JAM2: variants seen among roughly 807,000 people sequenced by gnomAD.
JAM2 encodes junctional adhesion molecule B.
A neutral mutation model predicts 42.0 loss-of-function variants in JAM2; 17 were observed. That is an observed-to-expected ratio of 0.40 (90% CI 0.28 to 0.61). The LOEUF is 0.61. Among genes scored for constraint, JAM2 ranks in the 20% least tolerant of loss-of-function variants. The pLI is 0.37. For synonymous variants in JAM2, 118 were observed against 128.6 expected, an observed-to-expected ratio of 0.92 and a Z score of 0.56; for missense variants, 319 against 358.3, an observed-to-expected ratio of 0.89 and a Z score of 0.89.
chr21:25,673,563 A>G (rs1406323882), intron 1 of JAM2, among the ~76,000 whole-genome samples: 1 of 152,188 alleles, frequency 6.6e-6, no homozygotes, highest in African/African-American at 2.4e-5. Context: ...TCTGAATAAT[A>G]TCTTTACAAC....
intron 1 of JAM2, among the ~76,000 whole-genome samples, chr21:25,651,457 G>A (rs1259419923): frequency 6.6e-6 from 1 of 152,158 alleles, no homozygotes; most frequent in East Asian, 1.9e-4. Flanking sequence ...AAGTTGTATG[G>A]AAATAGGCAT....
intron 1 of JAM2, among the ~76,000 whole-genome samples, chr21:25,665,739 C>T (rs142246437): frequency 3.0e-3 from 455 of 152,118 alleles, no homozygotes; most frequent in African/African-American, 0.011. Context: ...CATGCTTTAC[C>T]GATTTAAATG....
At chr21:25,711,514 C>T (rs1040445056) in intron 8 of JAM2, 3 of 409,102 alleles carry the variant, frequency 7.3e-6, no homozygotes, top group Non-Finnish European at 9.6e-6. Context: ...GAAGAATCAT[C>T]TGCCATTGAC....
At chr21:25,677,176 C>T (rs1039283331) in intron 1 of JAM2, among the ~76,000 whole-genome samples, 8 of 151,804 alleles carry the variant, frequency 5.3e-5, no homozygotes, top group Non-Finnish European at 1.2e-4. Context: ...TGCACTTGTG[C>T]CCCTTAAATT....
At chr21:25,645,179 C>A (rs1174048172) in intron 1 of JAM2, among the ~76,000 whole-genome samples, 1 of 152,182 alleles carries the variant, frequency 6.6e-6, no homozygotes, top group African/African-American at 2.4e-5. Flanking sequence ...CCGCGCCTGG[C>A]CTAAAGCTAT....
chr21:25,666,769 G>T (rs1341100999), intron 1 of JAM2, among the ~76,000 whole-genome samples: 1 of 152,042 alleles, frequency 6.6e-6, no homozygotes, highest in African/African-American at 2.4e-5. Context: ...CTCCTCAAGT[G>T]ATCCTCCCAC....
intron 2 of JAM2, among the ~76,000 whole-genome samples, chr21:25,688,243 G>GGTGTGTGT (rs147927864): frequency 2.3e-4 from 34 of 149,812 alleles, no homozygotes; most frequent in East Asian, 7.9e-4. Flanking sequence ...CACCAGGAGG[G>GGTGTGTGT]GTGTGTGTGT....
intron 1 of JAM2, among the ~76,000 whole-genome samples, chr21:25,667,439 A>G (rs1220170614): frequency 1.3e-5 from 2 of 152,268 alleles, no homozygotes; most frequent in Non-Finnish European, 2.9e-5. Flanking sequence ...AAGGGTGAAT[A>G]CAGTAGAATA....
intron 3 of JAM2, chr21:25,692,205 TA>T: frequency 6.5e-6 from 1 of 154,690 alleles, no homozygotes. Context: ...GAAGATAAAA[TA>T]ACAGTCCACT....
At chr21:25,666,568 G>T (rs996961293) in intron 1 of JAM2, among the ~76,000 whole-genome samples, 1 of 152,034 alleles carries the variant, frequency 6.6e-6, no homozygotes, top group East Asian at 1.9e-4. Flanking sequence ...ACAAGGTCTT[G>T]CTCTGTCTCC....
intron 2 of JAM2, among the ~76,000 whole-genome samples, chr21:25,685,582 C>G (rs960399024): frequency 9.9e-5 from 10 of 101,118 alleles, no homozygotes; most frequent in African/African-American, 3.8e-4. Flanking sequence ...AATTTAATAA[C>G]AAATTACTTA....
At chr21:25,652,358 C>G (rs151017820) in intron 1 of JAM2, among the ~76,000 whole-genome samples, 2 of 152,152 alleles carry the variant, frequency 1.3e-5, no homozygotes, top group African/African-American at 4.8e-5. Flanking sequence ...TGCTACTGCA[C>G]TCTAGCGTGG....
chr21:25,674,381 C>T (rs750071525), intron 1 of JAM2, among the ~76,000 whole-genome samples: 9 of 151,954 alleles, frequency 5.9e-5, no homozygotes, highest in Admixed American at 3.3e-4. Flanking sequence ...GGTGACAGAG[C>T]GAGACTCTGC....
Position 25,678,212 on chromosome 21 carries a change from C to T in JAM2, c.68-5671C>T, listed in dbSNP as rs144953837. Among the ~76,000 whole-genome samples, 322 of 152,040 alleles carry T rather than the reference C, an allele frequency of 2.1e-3. 1 individual carries two copies. The highest frequency in any genetic ancestry group is 7.4e-3 in the African/African-American group (306 of 41,468). On this transcript the variant is annotated intron_variant, in intron 1 of 9. Coordinates refer to ENST00000480456, the MANE Select transcript of JAM2 (RefSeq NM_021219.4). ...TTGCACTCCAGCCTGGGCAATAGAG[C>T]GAGACTCAGTCTCAAAAATTTAAAA...
At chr21:25,656,402 G>A (rs1193588054) in intron 1 of JAM2, among the ~76,000 whole-genome samples, 1 of 152,138 alleles carries the variant, frequency 6.6e-6, no homozygotes. Context: ...TAAAGTTCTT[G>A]TCATTAATAA....
At chr21:25,685,883 T>C (rs1182659445) in intron 2 of JAM2, among the ~76,000 whole-genome samples, 4 of 152,198 alleles carry the variant, frequency 2.6e-5, no homozygotes, top group Non-Finnish European at 5.9e-5. Flanking sequence ...ACTTCTCACT[T>C]TCTTGGAGGT....
intron 1 of JAM2, among the ~76,000 whole-genome samples, chr21:25,674,811 ACCATAATATCTAGCT>A (rs1189828994): frequency 1.3e-5 from 2 of 151,506 alleles, no homozygotes; most frequent in African/African-American, 4.9e-5. Flanking sequence ...GAGATAGATG[ACCATAATATCTAGCT>A]CCAAATTAGT....
At chr21:25,689,661 A>G (rs1264678229) in intron 2 of JAM2, among the ~76,000 whole-genome samples, 1 of 152,242 alleles carries the variant, frequency 6.6e-6, no homozygotes, top group Non-Finnish European at 1.5e-5. Context: ...TAACCAGGGA[A>G]ATAAGCACAG....
chr21:25,685,021 C>T (rs1380191768), intron 2 of JAM2, among the ~76,000 whole-genome samples: 3 of 152,026 alleles, frequency 2.0e-5, no homozygotes, highest in Admixed American at 1.3e-4. Flanking sequence ...CTTGTTTAGG[C>T]CAGAGCTTAT....
Sources: allele counts gnomAD v4.1 joint callset (sites outside exome capture counted in the v4.1 genomes callset), GRCh38; gene constraint gnomAD v4.1.1; transcripts MANE v1.5; gene names NCBI Gene and HGNC (gene_info 2026-07-23, HGNC 2026-07-21).